SAMD4B: variants seen among roughly 807,000 people sequenced by gnomAD.
SAMD4B encodes the protein sterile alpha motif domain containing 4B.
A neutral mutation model predicts 74.5 loss-of-function variants in SAMD4B; 5 were observed. That is an observed-to-expected ratio of 0.07 (90% CI 0.04 to 0.14). The LOEUF is 0.14. Among genes scored for constraint, SAMD4B ranks in the 10% least tolerant of loss-of-function variants. SAMD4B has a pLI of 1.00. For synonymous variants in SAMD4B, 373 were observed against 374.9 expected (o/e 1.00, Z 0.06); for missense variants, 608 against 921.8 (o/e 0.66, Z 4.41).
intron 4 of SAMD4B, among the ~76,000 whole-genome samples, chr19:39,371,121 C>T (rs2077267428): frequency 6.6e-6 from 1 of 152,194 alleles, no homozygotes; most frequent in Non-Finnish European, 1.5e-5. Flanking sequence ...GGTAAGGCAG[C>T]ATGACCTGAC....
chr19:39,372,781 A>T (rs545480406), intron 4 of SAMD4B, among the ~76,000 whole-genome samples: 1 of 152,082 alleles, frequency 6.6e-6, no homozygotes, highest in Non-Finnish European at 1.5e-5. Flanking sequence ...AGAAAGAAGG[A>T]GGCCAGAGAC....
At chr19:39,388,935 C>G (rs139469203), downstream of SAMD4B, 423 of 1,613,976 alleles carry the variant, frequency 2.6e-4, no homozygotes, top group African/African-American at 5.1e-3. Flanking sequence ...TACCTCCCAC[C>G]TTGGGCCTGA....
intron 10 of SAMD4B, 110 bp from the exon 11 acceptor site, chr19:39,380,477 G>A: frequency 8.8e-7 from 1 of 1,131,956 alleles, no homozygotes; most frequent in African/African-American, 1.5e-5. Context: ...ATGTGTGATG[G>A]AGGTTTATGT....
chr19:39,382,431 A>G (rs1449151802), intron 12 of SAMD4B, among the ~76,000 whole-genome samples: 2 of 151,788 alleles, frequency 1.3e-5, no homozygotes, highest in South Asian at 2.1e-4. Context: ...CCCAAGTTCA[A>G]AAAAAAAATT....
intron 3 of SAMD4B, among the ~76,000 whole-genome samples, chr19:39,365,371 T>G (rs899852666): frequency 1.3e-5 from 2 of 151,354 alleles, no homozygotes; most frequent in African/African-American, 4.9e-5. Context: ...ATGGCCAATA[T>G]GGCAAAAGCC....
chr19:39,349,535 A>C (rs117950297), intron 1 of SAMD4B, among the ~76,000 whole-genome samples: 1 of 152,098 alleles, frequency 6.6e-6, no homozygotes, highest in Non-Finnish European at 1.5e-5. Flanking sequence ...AGTGGTGTAC[A>C]TGTTTTGTGT....
chr19:39,380,425 C>T (rs1233306283), intron 10 of SAMD4B, among the ~76,000 whole-genome samples, 162 bp from the exon 11 acceptor site: 4 of 152,220 alleles, frequency 2.6e-5, no homozygotes, highest in Admixed American at 2.6e-4. Context: ...GTACATGTCC[C>T]ATCTCCTTCC....
At chr19:39,382,032 C>T (rs890433035) in intron 12 of SAMD4B, among the ~76,000 whole-genome samples, 2 of 152,200 alleles carry the variant, frequency 1.3e-5, no homozygotes, top group African/African-American at 4.8e-5. Context: ...CCACACGGTG[C>T]TGGCCACTGG....
intron 9 of SAMD4B, among the ~76,000 whole-genome samples, chr19:39,379,223 G>C (rs983807388): frequency 2.0e-5 from 3 of 151,932 alleles, no homozygotes; most frequent in African/African-American, 7.3e-5. Flanking sequence ...GGCTGATCTC[G>C]AACTCCTGGC....
chr19:39,386,408 A>T, downstream of SAMD4B: 1 of 1,613,970 alleles, frequency 6.2e-7, no homozygotes, highest in Non-Finnish European at 8.5e-7. The surrounding 1 kb of genome is among the most constrained non-coding windows in gnomAD (Gnocchi z 6.1). Flanking sequence ...CCTCATCTGG[A>T]AGGGAGTGGA....
intron 1 of SAMD4B, 37 bp downstream of exon 1, chr19:39,342,613 A>G (rs30459): frequency 0.28 from 42,126 of 147,994 alleles, 11,552 homozygotes; most frequent in African/African-American, 0.72. Flanking sequence ...GGCGGCGGCG[A>G]GTCGGGGCGC....
chr19:39,390,724 A>C, the SAMD4B span: 1 of 1,323,544 alleles, frequency 7.6e-7, no homozygotes, highest in Non-Finnish European at 1.1e-6. Context: ...GCGCTTCATG[A>C]CGTCACGGGC....
At chr19:39,342,767 C>T (rs1162329354) in intron 1 of SAMD4B, among the ~76,000 whole-genome samples, 191 bp downstream of exon 1, 2 of 151,524 alleles carry the variant, frequency 1.3e-5, no homozygotes, top group African/African-American at 4.8e-5. Context: ...GCGCCCGTCC[C>T]CAGTCTCCCT....
rs772202618 is a variant in SAMD4B at position 39,384,847 on chromosome 19, A to G, written c.*1320A>G. ...ATTTTATGAATAACTTTTGTTATGAATATGGCTGGTAACCATTGTGTATGT... is the reference window on the plus strand; with the variant it reads ...ATTTTATGAATAACTTTTGTTATGAGTATGGCTGGTAACCATTGTGTATGT... On this transcript the variant is annotated 3_prime_UTR_variant, in exon 14 of 14. Transcript: ENST00000610417. 6.6e-6 allele frequency: 1 copy of G among 152,656 alleles called. No individual in the cohort carries two copies. Among genetic ancestry groups the G allele is most frequent in the Non-Finnish European group, 1.5e-5 (1 of 68,038 alleles). The allele number at this position is 152,656 out of a possible 1,614,324, so 9.5% of individuals were successfully genotyped here. A position where few individuals can be genotyped will look rare whatever the true frequency, so the allele number is the denominator to read the frequency against.
chr19:39,355,443 G>A (rs572080532), intron 2 of SAMD4B, among the ~76,000 whole-genome samples: 1 of 152,200 alleles, frequency 6.6e-6, no homozygotes, highest in Non-Finnish European at 1.5e-5. Flanking sequence ...CAAGCGCACG[G>A]AAGTTCAGAG....
At chr19:39,344,609 A>G (rs2075577275) in intron 1 of SAMD4B, among the ~76,000 whole-genome samples, 1 of 151,728 alleles carries the variant, frequency 6.6e-6, no homozygotes, top group African/African-American at 2.4e-5. Flanking sequence ...TGCTATTTAC[A>G]CCCTCTCATT....
chr19:39,385,269 C>T lies in SAMD4B; in HGVS notation c.*1742C>T. 1 of 337,688 alleles carries T rather than the reference C, an allele frequency of 3.0e-6. No individual in the cohort carries two copies. The highest frequency in any genetic ancestry group is 5.3e-6 in the Non-Finnish European group (1 of 188,364). The allele number at this position is 337,688 out of a possible 1,614,324, so 20.9% of individuals were successfully genotyped here. On this transcript the variant is annotated 3_prime_UTR_variant, in exon 14 of 14. Transcript: ENST00000610417. ...TGCAGGAAGTGGGATGGATGGGCCA[C>T]CTCGTTTGGAATCAGCAGGGTGTCC...
At position 39,380,982 on chromosome 19, in the gene SAMD4B, C is replaced by T; in HGVS notation, c.1849-8C>T. 6.2e-7 allele frequency: 1 copy of T among 1,600,114 alleles called. No individual in the cohort carries two copies. Among genetic ancestry groups the T allele is most frequent in the Non-Finnish European group, 8.5e-7 (1 of 1,173,214 alleles). On this transcript the variant is annotated splice_polypyrimidine_tract_variant and splice_region_variant and intron_variant, in intron 11 of 13. Coordinates refer to ENST00000610417, the MANE Select transcript of SAMD4B (RefSeq NM_001384574.2). ...TCACTACTTTCTCTCTTCCTGGGAC[C>T]TGTGTAGAACCTGTGGTTTGCCAAC... is the stretch of plus-strand genomic sequence containing the variant.
Position 39,383,245 on chromosome 19 carries a change from C to T in SAMD4B, c.2010C>T (p.Pro670=). 6.2e-7 allele frequency: 1 copy of T among 1,614,174 alleles called. No homozygotes were observed. The highest frequency in any genetic ancestry group is 8.5e-7 in the Non-Finnish European group (1 of 1,180,022). Residue 670 remains proline (P), a synonymous_variant, in exon 13 of 14, where the codon CCC becomes CCT. Transcript: ENST00000610417. This position sits in a 1 kb window ranked among gnomAD's most constrained non-coding sequence, Gnocchi z 4.1. ...CTGGGCCTGACCTGGAGATCAATCC[C>T]ACTCTGGAGTCTCTGTGTCTGAGCA... The part of the protein sequence containing the change: ...PVPGPDLEIN[P]TLESLCLSMT...
Sources: allele counts gnomAD v4.1 joint callset (sites outside exome capture counted in the v4.1 genomes callset), GRCh38; gene constraint gnomAD v4.1.1; non-coding constraint Gnocchi (gnomAD v3.1); transcripts MANE v1.5; gene names NCBI Gene and HGNC (gene_info 2026-07-23, HGNC 2026-07-21).